Variants in RALYL observed in about 807,000 individuals in gnomAD.
RALYL encodes the protein RNA-binding Raly-like protein.
Under a neutral mutation model 35.1 loss-of-function variants are expected in RALYL, and 29 were observed. The observed-to-expected ratio is 0.83, with a 90% CI of 0.61 to 1.13. RALYL has a LOEUF of 1.13. RALYL is among the 50% of genes most tolerant of loss of function. RALYL has a pLI of 0.00. For missense variants in RALYL, 359 were observed against 360.4 expected (o/e 1.00, Z 0.03); for synonymous variants, 120 against 127.6 (o/e 0.94, Z 0.40).
chr8:84,774,775 C>T (rs1816432033), intron 3 of RALYL, 121 bp downstream of exon 3: 1 of 673,624 alleles, frequency 1.5e-6, no homozygotes, highest in Non-Finnish European at 2.6e-6. Flanking sequence ...GAATAAAGTA[C>T]AACAAATGTT....
At chr8:84,570,546 C>A (rs1290571269) in intron 2 of RALYL, among the ~76,000 whole-genome samples, 1 of 151,896 alleles carries the variant, frequency 6.6e-6, no homozygotes, top group African/African-American at 2.4e-5. Context: ...TTGACTTCCT[C>A]TTTTCCAATT....
At chr8:84,489,279 G>A (rs1425121268) in intron 1 of RALYL, among the ~76,000 whole-genome samples, 3 of 151,754 alleles carry the variant, frequency 2.0e-5, no homozygotes, top group Admixed American at 6.6e-5. Context: ...CTTTTAGCAT[G>A]GCTTATACTA....
chr8:84,211,407 T>C (rs1299886434), intron 1 of RALYL, among the ~76,000 whole-genome samples: 3 of 152,240 alleles, frequency 2.0e-5, no homozygotes, highest in East Asian at 1.9e-4. Context: ...TATTGAATGT[T>C]TGGTTGTTTA....
At chr8:84,545,329 G>T (rs2060283276) in intron 2 of RALYL, among the ~76,000 whole-genome samples, 1 of 152,054 alleles carries the variant, frequency 6.6e-6, no homozygotes, top group African/African-American at 2.4e-5. Flanking sequence ...TTTCATTGGA[G>T]AAGAGTAGTT....
chr8:84,416,763 T>C (rs1299466050), intron 1 of RALYL, among the ~76,000 whole-genome samples: 2 of 152,162 alleles, frequency 1.3e-5, no homozygotes, highest in African/African-American at 4.8e-5. Context: ...GTGACCTTTT[T>C]ACTCCTAAAT....
intron 6 of RALYL, chr8:84,872,610 C>G (rs967105299): frequency 2.6e-5 from 4 of 152,198 alleles, no homozygotes; most frequent in Non-Finnish European, 5.9e-5. Flanking sequence ...TGAAACTGTA[C>G]TAAACTCTAA....
intron 8 of RALYL, among the ~76,000 whole-genome samples, chr8:84,893,750 T>A (rs1381534299): frequency 6.6e-6 from 1 of 152,190 alleles, no homozygotes; most frequent in Non-Finnish European, 1.5e-5. Flanking sequence ...AGCTAAACCA[T>A]CAATTCCCAA....
intron 1 of RALYL, among the ~76,000 whole-genome samples, chr8:84,508,610 C>T (rs1051519451): frequency 2.6e-5 from 4 of 151,980 alleles, no homozygotes; most frequent in African/African-American, 9.7e-5. Flanking sequence ...ATTAAAACTT[C>T]TTAAGTTAGT....
chr8:84,579,127 C>T (rs1273184739), intron 2 of RALYL, among the ~76,000 whole-genome samples: 1 of 152,182 alleles, frequency 6.6e-6, no homozygotes, highest in Admixed American at 6.5e-5. Context: ...GCCCTCAGCC[C>T]CCCTAGGCCT....
At chr8:84,250,991 T>G (rs1830086024) in intron 1 of RALYL, among the ~76,000 whole-genome samples, 1 of 152,164 alleles carries the variant, frequency 6.6e-6, no homozygotes, top group South Asian at 2.1e-4. Flanking sequence ...TGTTCCCAAT[T>G]CTTCAATATT....
intron 2 of RALYL, among the ~76,000 whole-genome samples, chr8:84,617,307 C>G (rs939396031): frequency 6.6e-6 from 1 of 151,578 alleles, no homozygotes; most frequent in African/African-American, 2.4e-5. Flanking sequence ...AGGTCCTTCA[C>G]ATCCCTTGTA....
intron 1 of RALYL, among the ~76,000 whole-genome samples, chr8:84,207,995 C>T (rs1380704436): frequency 6.6e-6 from 1 of 152,002 alleles, no homozygotes; most frequent in African/African-American, 2.4e-5. Context: ...ATGCATTTAA[C>T]TTGTTAGGGG....
At chr8:84,395,627 A>G (rs1482833775) in intron 1 of RALYL, among the ~76,000 whole-genome samples, 1 of 151,924 alleles carries the variant, frequency 6.6e-6, no homozygotes, top group Non-Finnish European at 1.5e-5. Context: ...CACATTACGT[A>G]TGTTCATATG....
At chr8:84,338,651 A>G (rs1848248833) in intron 1 of RALYL, among the ~76,000 whole-genome samples, 1 of 152,076 alleles carries the variant, frequency 6.6e-6, no homozygotes, top group Admixed American at 6.6e-5. Flanking sequence ...CTGCTGCTAG[A>G]CTTTCAAATC....
At chr8:84,384,509 A>T (rs938991846) in intron 1 of RALYL, among the ~76,000 whole-genome samples, 1 of 151,768 alleles carries the variant, frequency 6.6e-6, no homozygotes, top group Admixed American at 6.6e-5. Context: ...TGAACTCTGG[A>T]TAAAGAATAA....
At chr8:84,291,738 A>T (rs1838808532) in intron 1 of RALYL, among the ~76,000 whole-genome samples, 1 of 151,842 alleles carries the variant, frequency 6.6e-6, no homozygotes, top group Admixed American at 6.6e-5. Context: ...TTTAAAAAAG[A>T]CTGTTTTGAT....
chr8:84,367,318 A>ATTTTTTTTTTTTTTTTTTTTTTTT lies in RALYL; in HGVS notation c.-23-161953_-23-161930dup, dbSNP rs56387511. Among the ~76,000 whole-genome samples the ATTTTTTTTTTTTTTTTTTTTTTTT allele has an allele frequency of 7.3e-5, 2 of 27,400 alleles. 1 individual carries two copies. The highest frequency in any genetic ancestry group is 2.0e-4 in the Non-Finnish European group (2 of 10,140). 18.0% of individuals were successfully genotyped at this position (27,400 alleles called of 152,430 possible). The stretch of plus-strand genomic sequence containing the variant: ...GCCATCCTGCCCAACTAATTTTTGT[A>ATTTTTTTTTTTTTTTTTTTTTTTT]TTTTTTTTTTTTTTTTTTTTTTTTT... On this transcript the variant is annotated intron_variant, in intron 1 of 8. Coordinates refer to ENST00000521268, the MANE Select transcript of RALYL (RefSeq NM_173848.7).
At chr8:84,277,076 C>T (rs961024505) in intron 1 of RALYL, among the ~76,000 whole-genome samples, 1 of 152,152 alleles carries the variant, frequency 6.6e-6, no homozygotes, top group East Asian at 1.9e-4. Context: ...TTGCCTTATA[C>T]CTTTAATATT....
chr8:84,837,667 A>G (rs1370122931), intron 4 of RALYL, among the ~76,000 whole-genome samples: 1 of 152,226 alleles, frequency 6.6e-6, no homozygotes, highest in East Asian at 1.9e-4. Context: ...AATAAAAGAA[A>G]CAGTGTGGAT....
Sources: allele counts gnomAD v4.1 joint callset (sites outside exome capture counted in the v4.1 genomes callset), GRCh38; gene constraint gnomAD v4.1.1; transcripts MANE v1.5; gene names NCBI Gene and HGNC (gene_info 2026-07-23, HGNC 2026-07-21).